Variants in PREX2 observed in about 807,000 individuals in gnomAD.
PREX2 encodes the protein phosphatidylinositol-3,4,5-trisphosphate dependent Rac exchange factor 2, also known as phosphatidylinositol 3,4,5-trisphosphate-dependent Rac exchanger 2 protein.
In PREX2, 107 loss-of-function variants were observed where a neutral mutation model predicts 203.2. The ratio of observed to expected loss-of-function variants is 0.53; its 90% CI spans 0.45 to 0.62. PREX2 has a LOEUF of 0.62. Among genes scored for constraint, PREX2 ranks in the 20% least tolerant of loss-of-function variants. The pLI, the probability that PREX2 is intolerant of heterozygous loss-of-function variation, is 0.00. For missense variants in PREX2, 1,777 were observed against 1,955.9 expected, an observed-to-expected ratio of 0.91 and a Z score of 1.72; for synonymous variants, 672 against 663.6, an observed-to-expected ratio of 1.01 and a Z score of -0.19.
intron 33 of PREX2, among the ~76,000 whole-genome samples, chr8:68,143,508 C>T (rs1286940415): frequency 6.6e-6 from 1 of 152,144 alleles, no homozygotes; most frequent in African/African-American, 2.4e-5. Context: ...AAATTACTCA[C>T]TCAGACATTT....
intron 1 of PREX2, among the ~76,000 whole-genome samples, chr8:67,966,065 C>T (rs1805767515): frequency 6.6e-6 from 1 of 152,062 alleles, no homozygotes; most frequent in Admixed American, 6.6e-5. Context: ...TTATGAGGAA[C>T]ATGATAAGTT....
chr8:68,054,162 G>T (rs1158075472), intron 9 of PREX2, among the ~76,000 whole-genome samples: 1 of 152,146 alleles, frequency 6.6e-6, no homozygotes, highest in East Asian at 1.9e-4. Context: ...GTACATACTT[G>T]TAGAATTTCC....
In PREX2 at chr8:68,231,465, G is replaced by A; in HGVS notation, c.*87G>A. Reference sequence around the variant, plus strand: ...TGCTGGCTAAACATTCTCCACTGAAGATACATCAATGCTTTTTTTTTTTTT... The same window carrying A: ...TGCTGGCTAAACATTCTCCACTGAAAATACATCAATGCTTTTTTTTTTTTT... On this transcript the variant is annotated 3_prime_UTR_variant, in exon 40 of 40. Coordinates refer to ENST00000288368, the MANE Select transcript of PREX2 (RefSeq NM_024870.4). 5 of 740,828 alleles carry A rather than the reference G, an allele frequency of 6.7e-6. No homozygotes were observed. The highest frequency in any genetic ancestry group is 8.1e-6 in the Non-Finnish European group (4 of 492,466). 45.9% of individuals were successfully genotyped at this position (740,828 alleles called of 1,614,324 possible). A position where few individuals can be genotyped will look rare whatever the true frequency, so the allele number is the denominator to read the frequency against.
At chr8:68,203,170 T>C (rs2129614933) in intron 37 of PREX2, among the ~76,000 whole-genome samples, 1 of 152,288 alleles carries the variant, frequency 6.6e-6, no homozygotes, top group East Asian at 1.9e-4. Context: ...GCTCAGTGCC[T>C]ACTGAAGCAC....
chr8:68,115,698 T>C, intron 25 of PREX2, 55 bp from the exon 26 acceptor site: 2 of 1,264,390 alleles, frequency 1.6e-6, no homozygotes, highest in Non-Finnish European at 2.2e-6. Context: ...AATAAGGTAG[T>C]TATATATAGC....
chr8:68,030,677 A>T lies in PREX2; in HGVS notation c.705+19A>T, dbSNP rs201709841. The stretch of plus-strand genomic sequence containing the variant: ...CTGGGAGGTACATTCACTTTGCTTG[A>T]CAATCGAGCTTAAGATAGTTTTATG... On this transcript the variant is annotated intron_variant, in intron 6 of 39. Coordinates refer to ENST00000288368, the MANE Select transcript of PREX2 (RefSeq NM_024870.4). 4.0e-3 allele frequency: 6,451 copies of T among 1,612,510 alleles called. 269 individuals carry two copies. In the South Asian group the frequency reaches 0.066, roughly 17 times the overall value.
chr8:68,037,028 T>G (rs947841641), intron 6 of PREX2, among the ~76,000 whole-genome samples: 15 of 152,186 alleles, frequency 9.9e-5, no homozygotes, highest in African/African-American at 2.9e-4. Context: ...TTCTGAATAA[T>G]TCCCCATTTT....
At chr8:68,087,910 AT>A (rs1809748052) in intron 19 of PREX2, 101 bp downstream of exon 19, 1 of 812,550 alleles carries the variant, frequency 1.2e-6, no homozygotes, top group Admixed American at 1.7e-5. Context: ...TGCTGTGATG[AT>A]TCTCAATTAT....
At chr8:68,178,035 A>G (rs1472711381) in intron 35 of PREX2, among the ~76,000 whole-genome samples, 6 of 152,184 alleles carry the variant, frequency 3.9e-5, no homozygotes, top group African/African-American at 1.4e-4. Flanking sequence ...TATCCAGTCT[A>G]TCACTGATGG....
In PREX2 at chr8:68,093,058, G is replaced by C. The variant is rs1445344783; in HGVS notation, c.2251-547G>C. Among the ~76,000 whole-genome samples, 5 of 152,062 alleles carry C rather than the reference G, an allele frequency of 3.3e-5. No individual in the cohort carries two copies. The East Asian group carries it at 9.6e-4, about 29-fold the overall frequency. ...ATCCTATTTAAAAACATACATCTTT[G>C]GAACATATCTTAGAAGATAAAACTT... is the stretch of plus-strand genomic sequence containing the variant. On this transcript the variant is annotated intron_variant, in intron 20 of 39. Transcript: ENST00000288368.
intron 1 of PREX2, among the ~76,000 whole-genome samples, chr8:67,980,928 T>G (rs1341592924): frequency 6.6e-6 from 1 of 152,218 alleles, no homozygotes; most frequent in African/African-American, 2.4e-5. Flanking sequence ...CATAGCAGTG[T>G]GAGAATGGAC....
intron 31 of PREX2, among the ~76,000 whole-genome samples, chr8:68,128,680 A>G (rs1367536195): frequency 1.3e-5 from 2 of 152,202 alleles, no homozygotes; most frequent in African/African-American, 2.4e-5. Context: ...CCAGGAAGAC[A>G]GTGGGAATGT....
intron 1 of PREX2, among the ~76,000 whole-genome samples, chr8:67,991,990 G>C (rs1806623019): frequency 6.6e-6 from 1 of 152,116 alleles, no homozygotes. Context: ...TTTCATCCTT[G>C]TTCACGTGAG....
intron 1 of PREX2, among the ~76,000 whole-genome samples, chr8:68,013,190 A>AATGTGG (rs1807315980): frequency 6.6e-6 from 1 of 152,198 alleles, no homozygotes; most frequent in South Asian, 2.1e-4. Flanking sequence ...CTCCTATCCA[A>AATGTGG]ATGTGGGAGA....
intron 33 of PREX2, among the ~76,000 whole-genome samples, chr8:68,145,606 T>C (rs540453292): frequency 6.6e-6 from 1 of 152,176 alleles, no homozygotes; most frequent in Non-Finnish European, 1.5e-5. Flanking sequence ...TATGGTAGCA[T>C]TGTGAAATAC....
rs373609861 is a variant in PREX2 at position 68,182,335 on chromosome 8, GGA to G, written c.4347-9384_4347-9383del. On this transcript the variant is annotated intron_variant, in intron 35 of 39. Coordinates refer to ENST00000288368, the MANE Select transcript of PREX2 (RefSeq NM_024870.4). ...TCACACTTATTGTGTGACTTGCAAG[GGA>G]GACCCTGAGAATATTTTTCTCTTGA... 2.3e-3 allele frequency among the ~76,000 whole-genome samples: 344 copies of G among 152,140 alleles called. 5 individuals carry two copies. Among genetic ancestry groups the G allele is most frequent in the African/African-American group, 7.6e-3 (317 of 41,532 alleles).
intron 10 of PREX2, among the ~76,000 whole-genome samples, chr8:68,057,067 C>A (rs1585744552): frequency 1.3e-5 from 2 of 152,072 alleles, no homozygotes; most frequent in Non-Finnish European, 2.9e-5. Context: ...AATTGTAATC[C>A]CCACGTGTCA....
intron 29 of PREX2, 72 bp from the exon 30 acceptor site, chr8:68,120,849 G>A (rs1160174): frequency 0.14 from 188,805 of 1,353,692 alleles, 14,265 homozygotes; most frequent in East Asian, 0.28. Context: ...ACAGAAGAAG[G>A]TTTTGAAGCC....
At chr8:68,010,474 C>A (rs1355282673) in intron 1 of PREX2, among the ~76,000 whole-genome samples, 1 of 152,172 alleles carries the variant, frequency 6.6e-6, no homozygotes, top group Admixed American at 6.5e-5. Context: ...AGTAATGGGA[C>A]TAGGCTGTGG....
Sources: gnomAD v4.1 joint callset for allele counts (sites outside exome capture counted in the v4.1 genomes callset) on GRCh38, gnomAD v4.1.1 for gene constraint, MANE v1.5 for transcripts, NCBI Gene and HGNC (gene_info 2026-07-23, HGNC 2026-07-21) for gene names.